Variants in NUP210 observed in about 807,000 individuals in gnomAD.
The protein encoded by NUP210 is nuclear pore membrane glycoprotein 210.
A neutral mutation model predicts 196.0 loss-of-function variants in NUP210; 151 were observed. The observed-to-expected ratio is 0.77, with a 90% CI of 0.67 to 0.88. The LOEUF is 0.88. NUP210 is among the 40% of genes least tolerant of loss of function. NUP210 has a pLI of 0.00. For missense variants in NUP210, 2,314 were observed against 2,493.7 expected, an observed-to-expected ratio of 0.93 and a Z score of 1.53; for synonymous variants, 1,070 against 1,052.7, an observed-to-expected ratio of 1.02 and a Z score of -0.32.
chr3:13,351,959 C>G lies in NUP210; in HGVS notation c.2755G>C (p.Gly919Arg). 2.5e-6 allele frequency: 4 copies of G among 1,612,038 alleles called. No homozygotes were observed. Among genetic ancestry groups the G allele is most frequent in the Non-Finnish European group, 3.4e-6 (4 of 1,178,470 alleles). The change falls in exon 20 of 40, where the codon GGC (glycine) becomes CGC (arginine). Residue 919 changes from glycine to arginine, a missense_variant. Coordinates refer to ENST00000254508, the MANE Select transcript of NUP210 (RefSeq NM_024923.4). ...GIQAELRIRE[G>R]SGYFFLNTST... ...GTGTTGAGGAAGAAGTAACCTGAGC[C>G]TTCCCTGATGCGGAGCTCTGCCTGC...
chr3:13,321,624 G>C lies in NUP210; in HGVS notation c.5127C>G (p.Ile1709Met), dbSNP rs1696531620. Residue 1709 changes from isoleucine to methionine, a missense_variant, in exon 36 of 40, where the codon ATC (isoleucine) becomes ATG (methionine). Transcript: ENST00000254508. Reference protein sequence around the residue: ...LLSNHYTSSEIRVFGAPEVLE... With the variant: ...LLSNHYTSSEMRVFGAPEVLE... The stretch of plus-strand genomic sequence containing the variant: ...GAACCTCCGGGGCACCAAAGACCCT[G>C]ATCTCGGAACTGGTGTAGTGGTTGC... 6.2e-7 allele frequency: 1 copy of C among 1,614,124 alleles called. No individual in the cohort carries two copies. Among genetic ancestry groups the C allele is most frequent in the Non-Finnish European group, 8.5e-7 (1 of 1,180,004 alleles).
rs1352537860 is a variant in NUP210, at chr3:13,379,674, T to C, written c.865A>G (p.Ile289Val). The change falls in exon 7 of 40, where the codon ATC becomes GTC. Residue 289 changes from isoleucine (I) to valine (V), a missense_variant. Ile to Val is a conservative substitution (Grantham distance 29). Coordinates refer to ENST00000254508, the MANE Select transcript of NUP210 (RefSeq NM_024923.4). The surrounding 1 kb of genome is among the most constrained non-coding windows in gnomAD (Gnocchi z 4.2). ...DQYELQLQNS[I>V]PGPEGDPARP... ...GCTGGGTCTCCTTCGGGGCCCGGGA[T>C]GCTGTTCTGAAGCTGCAACTCGTAC... 10 of 1,613,708 alleles carry C rather than the reference T, an allele frequency of 6.2e-6. No homozygotes were observed. The highest frequency in any genetic ancestry group is 1.7e-5 in the Admixed American group (1 of 59,958).
intron 29 of NUP210, among the ~76,000 whole-genome samples, chr3:13,331,034 G>C (rs1696976688): frequency 6.6e-6 from 1 of 152,050 alleles, no homozygotes; most frequent in South Asian, 2.1e-4. Context: ...GTGGAGGATG[G>C]GGCTTTGAGT....
chr3:13,369,135 T>C (rs1698640923), intron 13 of NUP210, among the ~76,000 whole-genome samples: 1 of 152,144 alleles, frequency 6.6e-6, no homozygotes. Flanking sequence ...TCCTAAGGAG[T>C]GTAGTGCTTT....
At chr3:13,353,009 G>A (rs1251709191) in intron 18 of NUP210, among the ~76,000 whole-genome samples, 3 of 152,032 alleles carry the variant, frequency 2.0e-5, no homozygotes, top group East Asian at 3.9e-4. Flanking sequence ...GCAGGAGGCC[G>A]TGACGCCCCC....
Position 13,348,345 on chromosome 3 carries a change from T to G in NUP210, c.2835+3534A>C. On this transcript the variant is annotated intron_variant, in intron 20 of 39. Coordinates refer to ENST00000254508, the MANE Select transcript of NUP210 (RefSeq NM_024923.4). The surrounding 1 kb of genome is among the most constrained non-coding windows in gnomAD (Gnocchi z 4.0). The stretch of plus-strand genomic sequence containing the variant: ...ATCACCGACCTCTAGGAACTCTTGT[T>G]CTTGGAGTAAAGGTCTCCCTCTGGT... The G allele has an allele frequency of 3.0e-6, 3 of 983,804 alleles. No homozygotes were observed. The highest frequency in any genetic ancestry group is 1.7e-5 in the African/African-American group (1 of 57,298). 60.9% of individuals were successfully genotyped at this position (983,804 alleles called of 1,614,324 possible). A position where few individuals can be genotyped will look rare whatever the true frequency, so the allele number is the denominator to read the frequency against.
intron 20 of NUP210, chr3:13,345,204 A>G: frequency 1.0e-6 from 1 of 985,488 alleles, no homozygotes; most frequent in Non-Finnish European, 1.2e-6. Context: ...GAGTAAAACC[A>G]GCTTTGTTAA....
chr3:13,379,855 G>T lies in NUP210; in HGVS notation c.818-134C>A. The T allele has an allele frequency of 3.0e-6, 2 of 670,528 alleles. No homozygotes were observed. The highest frequency in any genetic ancestry group is 4.7e-6 in the Non-Finnish European group (2 of 425,400). The allele number at this position is 670,528 out of a possible 1,614,324, so 41.5% of individuals were successfully genotyped here. On this transcript the variant is annotated intron_variant, in intron 6 of 39. Coordinates refer to ENST00000254508, the MANE Select transcript of NUP210 (RefSeq NM_024923.4). The surrounding 1 kb of genome is among the most constrained non-coding windows in gnomAD (Gnocchi z 4.2). Reference sequence around the variant, plus strand: ...GTACAGCTGACGCATTTTCTTAATTGTTTTCAGTGCTTTAAATGTTAATAT... The same window carrying T: ...GTACAGCTGACGCATTTTCTTAATTTTTTTCAGTGCTTTAAATGTTAATAT...
rs191636121 is a variant in NUP210 at position 13,385,702 on chromosome 3, C to T, written c.817+573G>A. Among the ~76,000 whole-genome samples, 5 of 152,330 alleles carry T rather than the reference C, an allele frequency of 3.3e-5. No individual in the cohort carries two copies. In the East Asian group the frequency reaches 9.7e-4, roughly 29 times the overall value. On this transcript the variant is annotated intron_variant, in intron 6 of 39. Transcript: ENST00000254508. ...GCATATACCCCAAAGAATTTGAAAG[C>T]AGGGACTCAGATATTTGCTCACTAT...
chr3:13,404,064 T>A (rs1427341267), intron 1 of NUP210, among the ~76,000 whole-genome samples: 1 of 152,214 alleles, frequency 6.6e-6, no homozygotes, highest in Non-Finnish European at 1.5e-5. Context: ...TCACGCTGGT[T>A]TTCCTGTGAC....
intron 1 of NUP210, among the ~76,000 whole-genome samples, chr3:13,403,674 C>G (rs985012570): frequency 6.6e-6 from 1 of 152,196 alleles, no homozygotes; most frequent in South Asian, 2.1e-4. Flanking sequence ...CCTGCCCAGG[C>G]TCTACTTGGG....
At chr3:13,363,509 A>G (rs766967264) in intron 14 of NUP210, among the ~76,000 whole-genome samples, 4 of 152,248 alleles carry the variant, frequency 2.6e-5, no homozygotes, top group Non-Finnish European at 5.9e-5. Flanking sequence ...GCATGAAAGT[A>G]TCATGGAACC....
Position 13,340,014 on chromosome 3 carries a change from G to C in NUP210, c.3311C>G (p.Pro1104Arg), listed in dbSNP as rs1261558573. Residue 1104 changes from proline (P) to arginine (R), a missense_variant, in exon 25 of 40, where the codon CCC becomes CGC. Coordinates refer to ENST00000254508, the MANE Select transcript of NUP210 (RefSeq NM_024923.4). This position sits in a 1 kb window ranked among gnomAD's most constrained non-coding sequence, Gnocchi z 4.0. ...ATMQVTSEGG[P>R]QPQSNILFSI... is the part of the protein sequence containing the mutation. ...GAAAAGGATGTTGGACTGAGGCTGG[G>C]GGCCGCCCTCGGAGGTGACCTGAGC... 2.5e-6 allele frequency: 4 copies of C among 1,613,944 alleles called. No homozygotes were observed.
At chr3:13,372,850 T>A (rs986222967) in intron 12 of NUP210, among the ~76,000 whole-genome samples, 26 of 152,144 alleles carry the variant, frequency 1.7e-4, no homozygotes, top group Admixed American at 3.3e-4. Flanking sequence ...CCTGAGGAAC[T>A]GTCCTCAGGA....
chr3:13,386,205 A>G (rs1297195182), intron 6 of NUP210, 70 bp downstream of exon 6: 8 of 1,537,120 alleles, frequency 5.2e-6, no homozygotes, highest in Non-Finnish European at 7.0e-6. Context: ...AAATTTTGTT[A>G]CATGTATGTA....
At chr3:13,405,906 A>G (rs1699987812) in intron 1 of NUP210, among the ~76,000 whole-genome samples, 1 of 152,234 alleles carries the variant, frequency 6.6e-6, no homozygotes, top group South Asian at 2.1e-4. Context: ...TAGATGATGC[A>G]CAGATGAGCT....
chr3:13,346,820 A>C (rs558932848), intron 20 of NUP210, among the ~76,000 whole-genome samples: 1 of 152,350 alleles, frequency 6.6e-6, no homozygotes, highest in East Asian at 1.9e-4. Context: ...GGAAGTGCCA[A>C]GCGAGTGTGC....
intron 1 of NUP210, among the ~76,000 whole-genome samples, chr3:13,415,849 C>T (rs1700331508): frequency 6.6e-6 from 1 of 152,204 alleles, no homozygotes; most frequent in South Asian, 2.1e-4. Flanking sequence ...GCTCAGCGTG[C>T]ATCCCTCACC....
At chr3:13,332,725 T>TCACA (rs547771868) in intron 28 of NUP210, among the ~76,000 whole-genome samples, 2 of 106,188 alleles carry the variant, frequency 1.9e-5, no homozygotes, top group African/African-American at 4.1e-5. Context: ...AGACCCTATC[T>TCACA]CACACACACA....
Sources: allele counts gnomAD v4.1 joint callset (sites outside exome capture counted in the v4.1 genomes callset), GRCh38; gene constraint gnomAD v4.1.1; non-coding constraint Gnocchi (gnomAD v3.1); transcripts MANE v1.5; gene names NCBI Gene and HGNC (gene_info 2026-07-23, HGNC 2026-07-21).